OTOF: variants seen among roughly 807,000 people sequenced by gnomAD.
OTOF encodes otoferlin.
OTOF carries 218 observed loss-of-function variants against 236.8 expected under a neutral mutation model. The observed-to-expected ratio is 0.92, with a 90% CI of 0.82 to 1.03. OTOF has a LOEUF of 1.03. Among genes scored for constraint, OTOF ranks in the 50% least tolerant of loss-of-function variants. The probability of loss-of-function intolerance (pLI) is 0.00; values close to 1 mark genes in which losing one functional copy is unlikely to be tolerated. For synonymous variants in OTOF, 1,041 were observed against 1,072.5 expected (o/e 0.97, Z 0.57); for missense variants, 2,590 against 2,694.4 (o/e 0.96, Z 0.86).
At chr2:26,466,117 C>A in intron 36 of OTOF, 41 bp from the exon 37 acceptor site, 1 of 1,613,332 alleles carries the variant, frequency 6.2e-7, no homozygotes, top group Non-Finnish European at 8.5e-7. Context: ...GCTCCCATGC[C>A]CTGCTCATCT....
chr2:26,545,725 G>A (rs1667314773), intron 1 of OTOF, among the ~76,000 whole-genome samples: 1 of 152,038 alleles, frequency 6.6e-6, no homozygotes, highest in African/African-American at 2.4e-5. Flanking sequence ...TTTGTGGATG[G>A]TATGAGGTAG....
chr2:26,474,213 A>G (rs1572422899), intron 26 of OTOF, 103 bp from the exon 27 acceptor site: 1 of 1,495,468 alleles, frequency 6.7e-7, no homozygotes, highest in Middle Eastern at 1.8e-4. Context: ...GAAACCCCCT[A>G]AGGACCACGC....
chr2:26,508,097 C>T (rs1015897765), intron 5 of OTOF, among the ~76,000 whole-genome samples: 2 of 152,142 alleles, frequency 1.3e-5, no homozygotes, highest in South Asian at 2.1e-4. Context: ...AGCTGCAGGT[C>T]GAGTCCATTC....
chr2:26,543,993 T>G lies in OTOF; in HGVS notation c.80-6219A>C, dbSNP rs564702618. Among the ~76,000 whole-genome samples, 7 of 152,386 alleles carry G rather than the reference T, an allele frequency of 4.6e-5. No individual in the cohort carries two copies. In the South Asian group the frequency reaches 1.2e-3, roughly 27 times the overall value. ...GCCTTGGCCTCCCAAAATGCTAGGATTATAGGCGTGGGCCACTGCGCCCAG... is the reference window on the plus strand; with the variant it reads ...GCCTTGGCCTCCCAAAATGCTAGGAGTATAGGCGTGGGCCACTGCGCCCAG... On this transcript the variant is annotated intron_variant, in intron 1 of 46. Transcript: ENST00000272371.
chr2:26,465,517 C>T (rs960803822), intron 38 of OTOF, among the ~76,000 whole-genome samples, 155 bp downstream of exon 38: 3 of 152,242 alleles, frequency 2.0e-5, no homozygotes, highest in Non-Finnish European at 4.4e-5. Flanking sequence ...GTCCTGTCCC[C>T]TGAAGACTGT....
intron 13 of OTOF, among the ~76,000 whole-genome samples, chr2:26,482,868 C>T (rs1389391381): frequency 1.1e-4 from 12 of 108,822 alleles, no homozygotes; most frequent in Non-Finnish European, 1.8e-4. Context: ...TGCATGTGTG[C>T]GTGTGTGAGT....
intron 9 of OTOF, 108 bp from the exon 10 acceptor site, chr2:26,489,848 G>T: frequency 2.4e-6 from 2 of 832,288 alleles, no homozygotes; most frequent in East Asian, 2.5e-5. Context: ...CCAGACATTT[G>T]CCCTGAGCCC....
chr2:26,487,519 A>G (rs1665729994), intron 11 of OTOF, among the ~76,000 whole-genome samples: 1 of 152,170 alleles, frequency 6.6e-6, no homozygotes, highest in South Asian at 2.1e-4. Flanking sequence ...AATGGGAATG[A>G]TGCCTATATG....
chr2:26,481,585 T>G (rs80277185), intron 14 of OTOF, among the ~76,000 whole-genome samples: 2 of 151,988 alleles, frequency 1.3e-5, no homozygotes, highest in Non-Finnish European at 2.9e-5. Context: ...AAAAACACAC[T>G]TATAGCATTT....
In OTOF at chr2:26,501,813, G is replaced by A. The variant is rs1171137802; in HGVS notation, c.711-5C>T. On this transcript the variant is annotated splice_polypyrimidine_tract_variant and splice_region_variant and intron_variant, in intron 7 of 46. Transcript: ENST00000272371. ...ATCTTAATGTCTGGCTTAGATCTGA[G>A]GAAGAGAATGTACCATCAGGCCTGG... 2.5e-6 allele frequency: 4 copies of A among 1,611,866 alleles called. No homozygotes were observed. The highest frequency in any genetic ancestry group is 1.7e-4 in the Middle Eastern group (1 of 6,060).
chr2:26,552,893 C>T (rs922308108), intron 1 of OTOF, among the ~76,000 whole-genome samples: 1 of 152,354 alleles, frequency 6.6e-6, no homozygotes, highest in South Asian at 2.1e-4. Flanking sequence ...GCCAACCTCA[C>T]ATTCTCCAAG....
chr2:26,483,359 G>A (rs756165215), intron 13 of OTOF, 103 bp downstream of exon 13: 43 of 1,083,866 alleles, frequency 4.0e-5, no homozygotes, highest in Admixed American at 2.2e-4. Context: ...ATGATTTCCA[G>A]CCTTGTCTTA....
chr2:26,477,041 G>T lies in OTOF; in HGVS notation c.2526C>A (p.Pro842=). 1 of 1,577,096 alleles carries T rather than the reference G, an allele frequency of 6.3e-7. No individual in the cohort carries two copies. Among genetic ancestry groups the T allele is most frequent in the East Asian group, 2.3e-5 (1 of 43,252 alleles). ...TGAAGATGTCGGGAATGCTGTGCTGGGGCTGGGGGTTGGGGGGTGGCCAGG... is the reference window on the plus strand; with the variant it reads ...TGAAGATGTCGGGAATGCTGTGCTGTGGCTGGGGGTTGGGGGGTGGCCAGG... ...LQKLRFLADE[P]QHSIPDIFIW... is the part of the protein sequence containing the mutation. Residue 842 remains proline (P), a splice_region_variant and synonymous_variant, in exon 22 of 47, where the codon CCC becomes CCA. Coordinates refer to ENST00000272371, the MANE Select transcript of OTOF (RefSeq NM_194248.3). This position sits in a 1 kb window ranked among gnomAD's most constrained non-coding sequence, Gnocchi z 4.7.
rs1321273453 is a variant in OTOF at position 26,476,252 on chromosome 2, C to T, written c.2742G>A (p.Leu914=). 3 of 1,607,756 alleles carry T rather than the reference C, an allele frequency of 1.9e-6. No homozygotes were observed. Among genetic ancestry groups the T allele is most frequent in the African/African-American group, 2.7e-5 (2 of 74,884 alleles). ...TGCGCTGTTTGCTGAGGCCCAGCCA[C>T]AGGTACAGCTCCACCTTGGCCTGCA... The part of the protein sequence containing the change: ...WTVQAKVELY[L]WLGLSKQRKE... The change falls in exon 23 of 47, where the codon CTG becomes CTA. Residue 914 remains leucine, a synonymous_variant. Transcript: ENST00000272371.
intron 2 of OTOF, among the ~76,000 whole-genome samples, chr2:26,537,359 C>T (rs565242121): frequency 7.9e-4 from 121 of 152,338 alleles, no homozygotes; most frequent in African/African-American, 2.7e-3. Context: ...ACTCGCCTGC[C>T]TCGTTGGGCC....
At chr2:26,551,081 C>T (rs528790409) in intron 1 of OTOF, among the ~76,000 whole-genome samples, 112 of 152,324 alleles carry the variant, frequency 7.4e-4, no homozygotes, top group African/African-American at 2.5e-3. Context: ...CCTCTGCCTC[C>T]TGGGTTCAAG....
In OTOF at chr2:26,457,877, C is replaced by A. The variant is rs1009466826; in HGVS notation, c.*361G>T. 5.7e-6 allele frequency: 4 copies of A among 704,112 alleles called. No individual in the cohort carries two copies. In the Admixed American group the frequency reaches 1.0e-4, roughly 18 times the overall value. The allele number at this position is 704,112 out of a possible 1,614,324, so 43.6% of individuals were successfully genotyped here. On this transcript the variant is annotated 3_prime_UTR_variant, in exon 47 of 47. Coordinates refer to ENST00000272371, the MANE Select transcript of OTOF (RefSeq NM_194248.3). This position sits in a 1 kb window ranked among gnomAD's most constrained non-coding sequence, Gnocchi z 4.4. ...GGACTGGGCAAGCCGCAGCCTGGGG[C>A]AGTGAGGACAGGCGGCCCCCGCAAG...
At position 26,517,710 on chromosome 2, in the gene OTOF, C is replaced by T. The variant is rs76636112; in HGVS notation, c.328-1111G>A. Reference sequence around the variant, plus strand: ...TGCTGGCCCTGCTGTCAACTGTGGCCGAATCCATTCCCCATCCAGGACTTC... The same window carrying T: ...TGCTGGCCCTGCTGTCAACTGTGGCTGAATCCATTCCCCATCCAGGACTTC... On this transcript the variant is annotated intron_variant, in intron 4 of 46. Transcript: ENST00000272371. Among the ~76,000 whole-genome samples the T allele has an allele frequency of 9.9e-5, 15 of 152,110 alleles. No homozygotes were observed. In the East Asian group the frequency reaches 1.5e-3, roughly 16 times the overall value.
At chr2:26,538,699 C>T (rs1051199411) in intron 1 of OTOF, among the ~76,000 whole-genome samples, 4 of 152,086 alleles carry the variant, frequency 2.6e-5, no homozygotes, top group Non-Finnish European at 2.9e-5. Flanking sequence ...GGCCATGTCC[C>T]GGGGCCTCGG....
Sources: gnomAD v4.1 joint callset for allele counts (sites outside exome capture counted in the v4.1 genomes callset) on GRCh38, gnomAD v4.1.1 for gene constraint, Gnocchi (gnomAD v3.1) non-coding constraint, MANE v1.5 for transcripts, NCBI Gene and HGNC (gene_info 2026-07-23, HGNC 2026-07-21) for gene names.